PRR5L: variants seen among roughly 807,000 people sequenced by gnomAD.
PRR5L encodes proline-rich protein 5-like.
Under a neutral mutation model 36.4 loss-of-function variants are expected in PRR5L, and 21 were observed. The ratio of observed to expected loss-of-function variants is 0.58; its 90% CI spans 0.41 to 0.83. The LOEUF (loss-of-function observed/expected upper bound fraction) is 0.83. PRR5L is among the 40% of genes least tolerant of loss of function. The pLI is 0.00. For synonymous variants in PRR5L, 188 were observed against 197.0 expected (o/e 0.95, Z 0.38); for missense variants, 381 against 473.3 (o/e 0.80, Z 1.81).
At chr11:36,425,016 T>G (rs1442887417) in intron 4 of PRR5L, among the ~76,000 whole-genome samples, 6 of 152,180 alleles carry the variant, frequency 3.9e-5, no homozygotes, top group Non-Finnish European at 7.3e-5. Context: ...GAGACAGAGT[T>G]TCACCATATT....
rs544840089 is a variant in PRR5L at position 36,415,249 on chromosome 11, G to C, written c.246-4006G>C. On this transcript the variant is annotated intron_variant, in intron 3 of 8. Transcript: ENST00000530639. ...AGTAGATACTGGATACTTTCTACAG[G>C]GTCTGTGGACTAGACTGGGTTCTGG... Among the ~76,000 whole-genome samples the C allele has an allele frequency of 4.3e-4, 65 of 152,218 alleles. 1 individual carries two copies. Among genetic ancestry groups the C allele is most frequent in the South Asian group, 3.7e-3 (18 of 4,824 alleles).
intron 1 of PRR5L, among the ~76,000 whole-genome samples, chr11:36,355,196 CA>C (rs1590476604): frequency 6.6e-6 from 1 of 152,324 alleles, no homozygotes; most frequent in East Asian, 1.9e-4. Context: ...ATGTCCAAGA[CA>C]GCAATGTTTT....
chr11:36,355,372 A>G (rs993195597), intron 1 of PRR5L, among the ~76,000 whole-genome samples: 3 of 152,176 alleles, frequency 2.0e-5, no homozygotes, highest in African/African-American at 7.2e-5. Flanking sequence ...TGTGGCAGAC[A>G]GTTCTAAGCA....
At chr11:36,431,518 T>C (rs7952013) in intron 4 of PRR5L, among the ~76,000 whole-genome samples, 35,033 of 151,884 alleles carry the variant, frequency 0.23, 4,311 homozygotes, top group East Asian at 0.38. Context: ...TGCTTCCTTT[T>C]GTGAGTTTAG....
chr11:36,388,690 CTTTCTTTCTTTTTTTTT>C (rs1308141792), intron 1 of PRR5L, among the ~76,000 whole-genome samples: 1 of 95,154 alleles, frequency 1.1e-5, no homozygotes, highest in Non-Finnish European at 2.3e-5. Flanking sequence ...AAGGTCGGCT[CTTTCTTTCTTTTTTTTT>C]TTTTTTTTTG....
intron 3 of PRR5L, among the ~76,000 whole-genome samples, chr11:36,414,625 T>C (rs1858101890): frequency 7.1e-6 from 1 of 141,288 alleles, no homozygotes; most frequent in African/African-American, 2.7e-5. Flanking sequence ...CTTTGTCAGA[T>C]GAGTAGGTTG....
At chr11:36,330,851 GGCCGGTGTTA>G (rs1022942644) in intron 1 of PRR5L, among the ~76,000 whole-genome samples, 18 of 152,130 alleles carry the variant, frequency 1.2e-4, no homozygotes, top group African/African-American at 4.1e-4. Context: ...TTGTTGTGTA[GGCCGGTGTTA>G]GAGGTGTGAT....
intron 1 of PRR5L, among the ~76,000 whole-genome samples, chr11:36,379,192 C>A (rs1042493980): frequency 2.0e-5 from 3 of 152,152 alleles, no homozygotes; most frequent in African/African-American, 7.2e-5. Flanking sequence ...AGCATTAAAG[C>A]CATTTATCTG....
Position 36,462,733 on chromosome 11 carries a change from C to T in PRR5L, c.1104C>T (p.Ser368=). The change falls in exon 9 of 9, where the codon AGC becomes AGT. Residue 368 remains serine, a synonymous_variant. Coordinates refer to ENST00000530639, the MANE Select transcript of PRR5L (RefSeq NM_001160167.2). The stretch of plus-strand genomic sequence containing the variant: ...CGGAGCTGAACTGTGCTTCCCTCAG[C>T]TGAGTCGCCACCCCTGGGCCTTTCC... The part of the protein sequence containing the change: ...EGSELNCASL[S] 6.5e-7 allele frequency: 1 copy of T among 1,542,678 alleles called. No homozygotes were observed. The highest frequency in any genetic ancestry group is 8.7e-7 in the Non-Finnish European group (1 of 1,143,988).
intron 6 of PRR5L, among the ~76,000 whole-genome samples, chr11:36,443,891 C>T (rs189466236): frequency 2.9e-4 from 44 of 152,268 alleles, no homozygotes; most frequent in Admixed American, 3.9e-4. Context: ...AGGAAATCAT[C>T]CCCCCAGTTG....
intron 1 of PRR5L, among the ~76,000 whole-genome samples, chr11:36,359,663 A>G (rs778673592): frequency 1.3e-5 from 2 of 152,236 alleles, no homozygotes; most frequent in Non-Finnish European, 2.9e-5. Context: ...CACTAACAGT[A>G]TGTCCCAAAG....
intron 4 of PRR5L, among the ~76,000 whole-genome samples, chr11:36,427,068 C>T (rs945229690): frequency 3.9e-5 from 6 of 152,222 alleles, no homozygotes; most frequent in Admixed American, 1.3e-4. Context: ...CCGGGAGGAG[C>T]TGGGTCTTTC....
chr11:36,431,596 T>C (rs1021752297), intron 4 of PRR5L, among the ~76,000 whole-genome samples: 1 of 152,174 alleles, frequency 6.6e-6, no homozygotes, highest in African/African-American at 2.4e-5. Flanking sequence ...GTGTCATGCC[T>C]CTTCCCTCGT....
intron 1 of PRR5L, among the ~76,000 whole-genome samples, chr11:36,334,958 C>CT (rs1856754332): frequency 6.8e-6 from 1 of 147,180 alleles, no homozygotes. Flanking sequence ...GACTGCAAAA[C>CT]ACTCACTCAC....
intron 4 of PRR5L, among the ~76,000 whole-genome samples, chr11:36,431,552 TG>T (rs1590581975): frequency 1.3e-5 from 2 of 152,172 alleles, no homozygotes; most frequent in Non-Finnish European, 2.9e-5. Context: ...TCTAGGACAC[TG>T]GGTGTCAACA....
intron 3 of PRR5L, among the ~76,000 whole-genome samples, chr11:36,416,963 T>A (rs1858157796): frequency 6.6e-6 from 1 of 152,140 alleles, no homozygotes; most frequent in Non-Finnish European, 1.5e-5. Context: ...CCATCATAGA[T>A]CCCTCCTCCG....
chr11:36,355,295 CT>C (rs1857014078), intron 1 of PRR5L, among the ~76,000 whole-genome samples: 1 of 152,196 alleles, frequency 6.6e-6, no homozygotes, highest in South Asian at 2.1e-4. Flanking sequence ...AACTTAATCT[CT>C]TCTTGTTCTC....
intron 1 of PRR5L, among the ~76,000 whole-genome samples, chr11:36,360,082 CA>C: frequency 1.3e-5 from 2 of 151,738 alleles, no homozygotes; most frequent in South Asian, 2.1e-4. Context: ...CACCCACACA[CA>C]CACACACACA....
chr11:36,451,160 C>A, intron 7 of PRR5L, 49 bp from the exon 8 acceptor site: 2 of 1,604,442 alleles, frequency 1.2e-6, no homozygotes, highest in South Asian at 2.2e-5. Flanking sequence ...ACCTGCTGGT[C>A]ATGGCAATGA....
Sources: gnomAD v4.1 joint callset for allele counts (sites outside exome capture counted in the v4.1 genomes callset) on GRCh38, gnomAD v4.1.1 for gene constraint, MANE v1.5 for transcripts, NCBI Gene and HGNC (gene_info 2026-07-23, HGNC 2026-07-21) for gene names.